PDIA6: variants seen among roughly 807,000 people sequenced by gnomAD.
The protein encoded by PDIA6 is protein disulfide-isomerase A6.
PDIA6 carries 29 observed loss-of-function variants against 58.4 expected under a neutral mutation model. That is an observed-to-expected ratio of 0.50 (90% CI 0.37 to 0.68). The LOEUF is 0.68. PDIA6 is among the 30% of genes least tolerant of loss of function. The probability of loss-of-function intolerance (pLI) is 0.00; values close to 1 mark genes in which losing one functional copy is unlikely to be tolerated. For missense variants in PDIA6, 480 were observed against 551.0 expected (o/e 0.87, Z 1.29); for synonymous variants, 192 against 202.6 (o/e 0.95, Z 0.44).
intron 1 of PDIA6, among the ~76,000 whole-genome samples, chr2:10,812,374 G>T (rs920077093): frequency 5.3e-5 from 7 of 133,086 alleles, no homozygotes; most frequent in Admixed American, 2.9e-4. Context: ...CCCGGGATCC[G>T]GCCGGGGCTG....
At chr2:10,832,513 G>C, upstream of PDIA6, 1 of 851,330 alleles carries the variant, frequency 1.2e-6, no homozygotes, top group Non-Finnish European at 1.4e-6. Context: ...GACCGCAAGG[G>C]GGCGCTCTGC....
chr2:10,833,339 C>T (rs1377400938), upstream of PDIA6, among the ~76,000 whole-genome samples: 1 of 152,198 alleles, frequency 6.6e-6, no homozygotes, highest in Non-Finnish European at 1.5e-5. Context: ...ATCATCCTTT[C>T]CCGTTTGGAA....
Position 10,812,767 on chromosome 2 carries a change from G to GC in PDIA6, c.-72dup. The GC allele has an allele frequency of 1.5e-6, 2 of 1,333,650 alleles. No individual in the cohort carries two copies. The highest frequency in any genetic ancestry group is 3.7e-5 in the Admixed American group (1 of 27,088). 82.6% of individuals were successfully genotyped at this position (1,333,650 alleles called of 1,614,324 possible). A position where few individuals can be genotyped will look rare whatever the true frequency, so the allele number is the denominator to read the frequency against. On this transcript the variant is annotated 5_prime_UTR_variant, in exon 1 of 13. Transcript: ENST00000272227. ...AGCCCTGCAGCGTGCCGCACGCCGC[G>GC]CCCCCGCGCCCACGTCCCGCCCCAG... is the stretch of plus-strand genomic sequence containing the variant.
chr2:10,823,973 G>A (rs1202147122), intron 1 of PDIA6, among the ~76,000 whole-genome samples: 1 of 152,162 alleles, frequency 6.6e-6, no homozygotes, highest in Non-Finnish European at 1.5e-5. Context: ...AGCTTCCCAT[G>A]GGGGTCCACT....
In PDIA6 at chr2:10,824,764, A is replaced by G. The variant is rs376430010; in HGVS notation, c.-47-5410T>C. ...TCTGAAGACTGTCCTTCAGCTGAAC[A>G]TTCCAGTTATTGAAATATGAAATCA... On this transcript the variant is annotated intron_variant, in intron 1 of 13. Coordinates refer to the PDIA6 transcript ENST00000381611. Among the ~76,000 whole-genome samples, 89 of 152,362 alleles carry G rather than the reference A, an allele frequency of 5.8e-4. No homozygotes were observed. The South Asian group carries it at 0.018, about 31-fold the overall frequency.
Position 10,820,179 on chromosome 2 carries a change from T to C in PDIA6, c.-47-825A>G, listed in dbSNP as rs968110953. ...AGGTTAAGAGCGGAAGTTTAATAGATGAAAGAGAGAGAATAGCTCTCTGTT... is the reference window on the plus strand; with the variant it reads ...AGGTTAAGAGCGGAAGTTTAATAGACGAAAGAGAGAGAATAGCTCTCTGTT... On this transcript the variant is annotated intron_variant, in intron 1 of 13. Coordinates refer to the PDIA6 transcript ENST00000381611. 4.6e-5 allele frequency among the ~76,000 whole-genome samples: 7 copies of C among 152,136 alleles called. No individual in the cohort carries two copies. The East Asian group carries it at 1.2e-3, about 25-fold the overall frequency.
intron 8 of PDIA6, among the ~76,000 whole-genome samples, chr2:10,789,345 C>T (rs1665927925): frequency 9.5e-6 from 1 of 105,536 alleles, no homozygotes; most frequent in Admixed American, 9.3e-5. Context: ...CTCAATTTCC[C>T]CATATATAAA....
intron 1 of PDIA6, among the ~76,000 whole-genome samples, chr2:10,828,122 G>A (rs1667606665): frequency 6.6e-6 from 1 of 151,884 alleles, no homozygotes; most frequent in Non-Finnish European, 1.5e-5. Context: ...ATCCCCCAGA[G>A]CCCACAGTTT....
chr2:10,816,782 G>A (rs1291479373), upstream of PDIA6, among the ~76,000 whole-genome samples: 3 of 152,100 alleles, frequency 2.0e-5, no homozygotes, highest in Non-Finnish European at 4.4e-5. Context: ...TAGCAGAGCT[G>A]AAGAAAGTCT....
intron 1 of PDIA6, among the ~76,000 whole-genome samples, chr2:10,829,570 C>G (rs1448954425): frequency 6.6e-6 from 1 of 152,214 alleles, no homozygotes; most frequent in Non-Finnish European, 1.5e-5. Flanking sequence ...AACAATTTTT[C>G]TGCCTTTCAC....
chr2:10,802,420 A>G, intron 2 of PDIA6, 79 bp downstream of exon 2: 1 of 942,632 alleles, frequency 1.1e-6, no homozygotes, highest in Non-Finnish European at 1.5e-6. Context: ...ATGTCTTAAT[A>G]AAATCAGATT....
chr2:10,815,489 G>A (rs1667163264), upstream of PDIA6: 1 of 152,176 alleles, frequency 6.6e-6, no homozygotes, highest in Non-Finnish European at 1.5e-5. Context: ...GGGGTGAGGG[G>A]GCTTCCAGTA....
At chr2:10,784,709 A>G (rs139418261) in intron 12 of PDIA6, 1 of 545,822 alleles carries the variant, frequency 1.8e-6, no homozygotes, top group East Asian at 3.0e-5. Flanking sequence ...AAGCAACCTT[A>G]CTACTGAAAT....
chr2:10,833,987 C>G (rs544733868), upstream of PDIA6, among the ~76,000 whole-genome samples: 1 of 152,214 alleles, frequency 6.6e-6, no homozygotes, highest in African/African-American at 2.4e-5. Flanking sequence ...TGTTGCCACA[C>G]GGAAGCGGAA....
chr2:10,829,388 C>T (rs1193828668), intron 1 of PDIA6, among the ~76,000 whole-genome samples: 2 of 152,208 alleles, frequency 1.3e-5, no homozygotes, highest in African/African-American at 4.8e-5. Context: ...TGGGCTCTGC[C>T]CTGCTTCTCC....
intron 2 of PDIA6, among the ~76,000 whole-genome samples, chr2:10,800,048 C>T (rs572486872): frequency 2.6e-5 from 4 of 152,166 alleles, no homozygotes; most frequent in East Asian, 3.9e-4. Flanking sequence ...AATTTCCTTA[C>T]GAATGTAAAC....
chr2:10,820,572 T>C (rs1362591993), intron 1 of PDIA6, among the ~76,000 whole-genome samples: 3 of 152,236 alleles, frequency 2.0e-5, no homozygotes, highest in African/African-American at 7.2e-5. Context: ...TCTTTGTTTA[T>C]CTGTGTCTGT....
At position 10,784,004 on chromosome 2, in the gene PDIA6, C is replaced by A. The variant is rs1429533013; in HGVS notation, c.*254G>T. 9.5e-6 allele frequency: 3 copies of A among 314,672 alleles called. No individual in the cohort carries two copies. The highest frequency in any genetic ancestry group is 6.5e-5 in the African/African-American group (3 of 46,496). 19.5% of individuals were successfully genotyped at this position (314,672 alleles called of 1,614,324 possible). A position where few individuals can be genotyped will look rare whatever the true frequency, so the allele number is the denominator to read the frequency against. The stretch of plus-strand genomic sequence containing the variant: ...TCAGAGAGAAAAATGTTTCGACAGC[C>A]AAGTTTTCTTCAAAATATTATGTGA... On this transcript the variant is annotated 3_prime_UTR_variant, in exon 13 of 13. Transcript: ENST00000272227.
intron 1 of PDIA6, among the ~76,000 whole-genome samples, chr2:10,805,344 T>C: frequency 1.1e-5 from 1 of 91,036 alleles, no homozygotes. Context: ...GAAATGCAAA[T>C]CAAAACCACA....
Sources: gnomAD v4.1 joint callset for allele counts (sites outside exome capture counted in the v4.1 genomes callset) on GRCh38, gnomAD v4.1.1 for gene constraint, MANE v1.5 for transcripts, NCBI Gene and HGNC (gene_info 2026-07-23, HGNC 2026-07-21) for gene names.